MAPKAPK5: variants seen among roughly 807,000 people sequenced by gnomAD.
MAPKAPK5 encodes MAPK activated protein kinase 5.
MAPKAPK5 carries 30 observed loss-of-function variants against 65.1 expected under a neutral mutation model. The ratio of observed to expected loss-of-function variants is 0.46; its 90% CI spans 0.34 to 0.63. The LOEUF (loss-of-function observed/expected upper bound fraction) is 0.63, where lower values mean the gene tolerates loss of function less well. MAPKAPK5 is among the 20% of genes least tolerant of loss of function. The pLI is 0.01. For synonymous variants in MAPKAPK5, 179 were observed against 204.6 expected (o/e 0.87, Z 1.07); for missense variants, 433 against 581.4 (o/e 0.74, Z 2.63).
At chr12:111,861,838 C>T (rs965781329) in intron 1 of MAPKAPK5, among the ~76,000 whole-genome samples, 2 of 152,116 alleles carry the variant, frequency 1.3e-5, no homozygotes, top group Non-Finnish European at 1.5e-5. Context: ...AGTATGAAAG[C>T]GAGTAGATAT....
intron 1 of MAPKAPK5, among the ~76,000 whole-genome samples, chr12:111,849,002 G>A (rs897261935): frequency 1.3e-5 from 2 of 152,098 alleles, no homozygotes; most frequent in African/African-American, 2.4e-5. Flanking sequence ...GACCTCAAGT[G>A]ATCCGCCTGC....
chr12:111,865,940 A>G (rs540215069), intron 2 of MAPKAPK5, among the ~76,000 whole-genome samples: 69 of 152,074 alleles, frequency 4.5e-4, no homozygotes, highest in African/African-American at 1.6e-3. Flanking sequence ...CACAGCCCCA[A>G]AAGCATGGCT....
intron 1 of MAPKAPK5, among the ~76,000 whole-genome samples, chr12:111,845,725 C>G (rs1235459761): frequency 6.6e-6 from 1 of 151,958 alleles, no homozygotes; most frequent in South Asian, 2.1e-4. Context: ...AGTTGGAGAC[C>G]ACTCTGGCCA....
At chr12:111,862,158 C>CT (rs2069461926) in intron 1 of MAPKAPK5, among the ~76,000 whole-genome samples, 1 of 151,418 alleles carries the variant, frequency 6.6e-6, no homozygotes, top group African/African-American at 2.5e-5. Context: ...TGTGTGTTAA[C>CT]TTTTTTGGCC....
chr12:111,875,747 A>G (rs1006256611), intron 7 of MAPKAPK5, among the ~76,000 whole-genome samples: 3 of 152,142 alleles, frequency 2.0e-5, no homozygotes, highest in Non-Finnish European at 4.4e-5. Flanking sequence ...GCAGTTTGTT[A>G]AAAACCTCGC....
At chr12:111,846,039 A>C (rs2068898235) in intron 1 of MAPKAPK5, among the ~76,000 whole-genome samples, 1 of 152,184 alleles carries the variant, frequency 6.6e-6, no homozygotes, top group East Asian at 1.9e-4. Flanking sequence ...CAATTTTCTT[A>C]AAATTTTTTT....
chr12:111,851,141 G>A (rs997952980), intron 1 of MAPKAPK5, among the ~76,000 whole-genome samples: 5 of 152,054 alleles, frequency 3.3e-5, no homozygotes, highest in Admixed American at 6.6e-5. Context: ...CAAGTGATCC[G>A]CCTGCCTCGG....
rs1339556329 is a variant in MAPKAPK5, at chr12:111,890,089, G to T, written c.1266G>T (p.Lys422Asn). 1 of 1,600,266 alleles carries T rather than the reference G, an allele frequency of 6.2e-7. No individual in the cohort carries two copies. Among genetic ancestry groups the T allele is most frequent in the African/African-American group, 1.3e-5 (1 of 74,848 alleles). ...KLNEVMQEAW[K>N]YNRECKLLRD... Reference sequence around the variant, plus strand: ...ATGAAGTAATGCAGGAGGCTTGGAAGTATAACCGGGAATGCAAACTCCTAA... The same window carrying T: ...ATGAAGTAATGCAGGAGGCTTGGAATTATAACCGGGAATGCAAACTCCTAA... Residue 422 changes from lysine (K) to asparagine (N), a missense_variant, in exon 13 of 14, where the codon AAG becomes AAT. By Grantham distance (94) the Lys-to-Asn change is moderately conservative (BLOSUM62 0). Around this residue, in one of 3 missense-constraint regions of MAPKAPK5, gnomAD observed 169 missense variants for 215.6 expected, o/e 0.78. Coordinates refer to ENST00000550735, the MANE Select transcript of MAPKAPK5 (RefSeq NM_003668.4).
At position 111,899,669 on chromosome 12, in the gene MAPKAPK5, A is replaced by G. The variant is rs1049572164; in HGVS notation, c.*6608A>G. 3.4e-6 allele frequency: 1 copy of G among 296,914 alleles called. No individual in the cohort carries two copies. The highest frequency in any genetic ancestry group is 2.2e-5 in the African/African-American group (1 of 46,012). 18.4% of individuals were successfully genotyped at this position (296,914 alleles called of 1,614,324 possible). ...GTTACCACAATGGCCTCCTGGGGCA[A>G]GAATCGCCTTTCATCTCACATGACT... On this transcript the variant is annotated 3_prime_UTR_variant, in exon 14 of 14. Transcript: ENST00000550735.
intron 1 of MAPKAPK5, among the ~76,000 whole-genome samples, chr12:111,861,673 A>G (rs1386556030): frequency 1.3e-5 from 2 of 152,168 alleles, no homozygotes; most frequent in African/African-American, 4.8e-5. Flanking sequence ...TGTGATGTGC[A>G]GTTATTGTTG....
chr12:111,892,994 G>A lies in MAPKAPK5; in HGVS notation c.1349G>A (p.Arg450Gln), dbSNP rs1396670521. The change falls in exon 14 of 14, where the codon CGA (arginine) becomes CAA (glutamine). Residue 450 changes from arginine (R) to glutamine (Q), a missense_variant. Arg to Gln is a conservative substitution (Grantham distance 43). This residue lies in a region of MAPKAPK5 where 169 missense variants were observed against 215.6 expected (regional missense o/e 0.78). Coordinates refer to ENST00000550735, the MANE Select transcript of MAPKAPK5 (RefSeq NM_003668.4). ...NGRGFTDKVD[R>Q]LKLAEIVKQV... The stretch of plus-strand genomic sequence containing the variant: ...CGTGGATTCACAGATAAAGTAGATC[G>A]ACTAAAACTGGCAGAAATTGTGAAG... 1.3e-6 allele frequency: 2 copies of A among 1,579,952 alleles called. No homozygotes were observed. The highest frequency in any genetic ancestry group is 2.3e-5 in the East Asian group (1 of 43,216).
At chr12:111,889,025 C>A in intron 12 of MAPKAPK5, 25 bp downstream of exon 12, 1 of 1,555,940 alleles carries the variant, frequency 6.4e-7, no homozygotes, top group Non-Finnish European at 8.7e-7. Context: ...ATTTACTAAT[C>A]CTCTGTGTGT....
rs994676575 is a variant in MAPKAPK5, at chr12:111,895,050, T to G, written c.*1989T>G. On this transcript the variant is annotated 3_prime_UTR_variant, in exon 14 of 14. Transcript: ENST00000550735. ...TGTGACTGCCTGTGGGAATAGATGA[T>G]AAAAAACAAGTGTCTTAAGAATTAC... 3 of 150,888 alleles carry G rather than the reference T, an allele frequency of 2.0e-5. No individual in the cohort carries two copies. The highest frequency in any genetic ancestry group is 3.0e-5 in the Non-Finnish European group (2 of 67,740). 9.3% of individuals were successfully genotyped at this position (150,888 alleles called of 1,614,324 possible).
At chr12:111,887,925 C>T (rs2070465879) in intron 10 of MAPKAPK5, 1 of 153,144 alleles carries the variant, frequency 6.5e-6, no homozygotes, top group Non-Finnish European at 1.5e-5. Flanking sequence ...CCTATGAAGC[C>T]TTCTGATGAT....
At chr12:111,886,158 A>G in intron 10 of MAPKAPK5, 122 bp downstream of exon 10, 1 of 1,380,026 alleles carries the variant, frequency 7.2e-7, no homozygotes, top group Admixed American at 2.1e-5. Flanking sequence ...CCAGAGAAAC[A>G]TCTCTGGTTT....
chr12:111,845,904 CAG>C (rs949524348), intron 1 of MAPKAPK5, among the ~76,000 whole-genome samples: 30 of 152,290 alleles, frequency 2.0e-4, no homozygotes, highest in Admixed American at 5.2e-4. Context: ...GCCTGGGCGA[CAG>C]AGTTAGACTC....
In MAPKAPK5 at chr12:111,902,066, A is replaced by G. The variant is rs1459506816; in HGVS notation, c.*9005A>G. 3 of 152,284 alleles carry G rather than the reference A, an allele frequency of 2.0e-5. No individual in the cohort carries two copies. The highest frequency in any genetic ancestry group is 7.2e-5 in the African/African-American group (3 of 41,430). The allele number at this position is 152,284 out of a possible 1,614,324, so 9.4% of individuals were successfully genotyped here. On this transcript the variant is annotated 3_prime_UTR_variant, in exon 14 of 14. Coordinates refer to ENST00000550735, the MANE Select transcript of MAPKAPK5 (RefSeq NM_003668.4). ...AGAATCATATGTACCTGAATTTATT[A>G]CTAACTCTGGGATTTTCATTTTAAG...
chr12:111,885,597 G>A (rs1593180107), intron 9 of MAPKAPK5: 1 of 232,480 alleles, frequency 4.3e-6, no homozygotes, highest in African/African-American at 2.2e-5. Flanking sequence ...AGAAACCTCA[G>A]TATGGAGATT....
At chr12:111,865,105 C>T (rs140929813) in intron 1 of MAPKAPK5, 145 bp from the exon 2 acceptor site, 107 of 584,114 alleles carry the variant, frequency 1.8e-4, no homozygotes, top group African/African-American at 1.8e-3. Context: ...TGTCATAAAG[C>T]CCTGTAGAAC....
Sources: gnomAD v4.1 joint callset for allele counts (sites outside exome capture counted in the v4.1 genomes callset) on GRCh38, gnomAD v4.1.1 for gene constraint, gnomAD v4.1.1 regional missense constraint, MANE v1.5 for transcripts, NCBI Gene and HGNC (gene_info 2026-07-23, HGNC 2026-07-21) for gene names.